TRAK2: variants seen among roughly 807,000 people sequenced by gnomAD.
The protein encoded by TRAK2 is trafficking kinesin protein 2, also known as trafficking kinesin-binding protein 2.
A neutral mutation model predicts 104.6 loss-of-function variants in TRAK2; 81 were observed. That is an observed-to-expected ratio of 0.77 (90% CI 0.65 to 0.93). TRAK2 has a LOEUF of 0.93. TRAK2 is among the 40% of genes least tolerant of loss of function. The pLI is 0.00. For synonymous variants in TRAK2, 406 were observed against 394.4 expected, an observed-to-expected ratio of 1.03 and a Z score of -0.35; for missense variants, 1,002 against 1,089.0, an observed-to-expected ratio of 0.92 and a Z score of 1.12.
intron 3 of TRAK2, among the ~76,000 whole-genome samples, chr2:201,402,428 A>G (rs1951557799): frequency 6.6e-6 from 1 of 152,166 alleles, no homozygotes; most frequent in Non-Finnish European, 1.5e-5. Context: ...AAAGTAAAAC[A>G]AAGTGCTGGC....
chr2:201,423,037 C>CCACACACACACACACA lies in TRAK2; in HGVS notation c.-199-2347_-199-2332dup, dbSNP rs142826543. On this transcript the variant is annotated intron_variant, in intron 1 of 15. Coordinates refer to ENST00000332624, the MANE Select transcript of TRAK2 (RefSeq NM_015049.3). ...TGGAATAACAACAGCAACACCACCA[C>CCACACACACACACACA]CACACACACACACACACACACACAC... Among the ~76,000 whole-genome samples, 69 of 134,220 alleles carry CCACACACACACACACA rather than the reference C, an allele frequency of 5.1e-4. 2 individuals carry two copies. Among genetic ancestry groups the CCACACACACACACACA allele is most frequent in the African/African-American group, 1.4e-3 (50 of 35,384 alleles). The allele number at this position is 134,220 out of a possible 152,430, so 88.1% of individuals were successfully genotyped here.
intron 7 of TRAK2, 117 bp downstream of exon 7, chr2:201,397,385 A>G: frequency 1.6e-6 from 1 of 629,774 alleles, no homozygotes; most frequent in Non-Finnish European, 2.8e-6. Context: ...TTCAGTAACC[A>G]TTTAAAATTG....
intron 2 of TRAK2, chr2:201,412,089 C>CAGGTGGAAT: frequency 1.8e-6 from 2 of 1,117,596 alleles, no homozygotes; most frequent in Non-Finnish European, 2.7e-6. Context: ...GGGCCAAGTT[C>CAGGTGGAAT]AGGTGGAATT....
chr2:201,407,388 A>G lies in TRAK2; in HGVS notation c.286+15T>C, dbSNP rs757275653. 3.8e-6 allele frequency: 6 copies of G among 1,579,134 alleles called. No homozygotes were observed. The highest frequency in any genetic ancestry group is 5.2e-6 in the Non-Finnish European group (6 of 1,155,810). ...ACTTTAATGCACAAACTAAAAGAGT[A>G]AAAAAAATACTCACTCATGTAACGG... is the stretch of plus-strand genomic sequence containing the variant. On this transcript the variant is annotated intron_variant, in intron 3 of 15. Coordinates refer to ENST00000332624, the MANE Select transcript of TRAK2 (RefSeq NM_015049.3).
chr2:201,426,802 C>T (rs1951792548), intron 1 of TRAK2, among the ~76,000 whole-genome samples: 1 of 152,170 alleles, frequency 6.6e-6, no homozygotes, highest in South Asian at 2.1e-4. Flanking sequence ...TATGTTCTTC[C>T]TGGAGACTTT....
intron 2 of TRAK2, among the ~76,000 whole-genome samples, chr2:201,417,106 TA>T (rs1951698890): frequency 2.0e-5 from 3 of 151,388 alleles, no homozygotes; most frequent in Non-Finnish European, 4.4e-5. Flanking sequence ...CAGATGAGTT[TA>T]AAAAGTAAAA....
At chr2:201,448,283 C>A (rs1312851933) in intron 1 of TRAK2, among the ~76,000 whole-genome samples, 2 of 152,228 alleles carry the variant, frequency 1.3e-5, no homozygotes, top group East Asian at 1.9e-4. Context: ...ATCTTGTCTT[C>A]TCTGACACTC....
intron 1 of TRAK2, among the ~76,000 whole-genome samples, chr2:201,433,191 C>T (rs912964876): frequency 9.2e-5 from 14 of 152,032 alleles, no homozygotes; most frequent in Admixed American, 2.6e-4. Context: ...GAAAAAAAGG[C>T]GGGAGGAGCA....
chr2:201,380,766 A>G lies in TRAK2; in HGVS notation c.2522T>C (p.Leu841Pro). Reference protein sequence around the residue: ...KMNLVDRLKRLGIARVVKNPG... With the variant: ...KMNLVDRLKRPGIARVVKNPG... ...GTTCTTGACCACTCTGGCTATCCCC[A>G]GTCTCTTCAGCCTGTCCACTAAGTT... The change falls in exon 16 of 16, where the codon CTG becomes CCG. Residue 841 changes from leucine to proline, a missense_variant. By Grantham distance (98) the Leu-to-Pro change is moderately conservative. Transcript: ENST00000332624. 1 of 1,614,120 alleles carries G rather than the reference A, an allele frequency of 6.2e-7. No homozygotes were observed. The highest frequency in any genetic ancestry group is 8.5e-7 in the Non-Finnish European group (1 of 1,179,994).
At chr2:201,403,205 C>T (rs1161659401) in intron 3 of TRAK2, among the ~76,000 whole-genome samples, 1 of 152,070 alleles carries the variant, frequency 6.6e-6, no homozygotes, top group East Asian at 1.9e-4. Context: ...AAAAATATTT[C>T]CTATAAATGC....
In TRAK2 at chr2:201,423,040, CACACACACA is replaced by C. The variant is rs1183786732; in HGVS notation, c.-199-2343_-199-2335del. Among the ~76,000 whole-genome samples the C allele has an allele frequency of 4.1e-3, 345 of 83,156 alleles. 2 individuals carry two copies. Among genetic ancestry groups the C allele is most frequent in the African/African-American group, 0.017 (315 of 18,788 alleles). 54.6% of individuals were successfully genotyped at this position (83,156 alleles called of 152,430 possible). ...AATAACAACAGCAACACCACCACCA[CACACACACA>C]CACACACACACACACACACACACAC... On this transcript the variant is annotated intron_variant, in intron 1 of 15. Coordinates refer to ENST00000332624, the MANE Select transcript of TRAK2 (RefSeq NM_015049.3).
chr2:201,446,292 T>C (rs1162100851), intron 1 of TRAK2, among the ~76,000 whole-genome samples: 1 of 152,176 alleles, frequency 6.6e-6, no homozygotes, highest in Non-Finnish European at 1.5e-5. Context: ...TGTAACTCTG[T>C]CCATGCTATT....
At chr2:201,423,504 A>G (rs1025154225) in intron 1 of TRAK2, 15 of 152,180 alleles carry the variant, frequency 9.9e-5, no homozygotes, top group African/African-American at 2.9e-4. Flanking sequence ...TGAAAATTTC[A>G]TCAATTACAG....
intron 1 of TRAK2, among the ~76,000 whole-genome samples, chr2:201,448,810 G>T (rs1029767475): frequency 3.9e-5 from 6 of 152,102 alleles, no homozygotes; most frequent in Admixed American, 3.3e-4. Flanking sequence ...TGCCATCATC[G>T]CTCAAGGGAT....
chr2:201,378,945 T>C lies in TRAK2; in HGVS notation c.*1598A>G, dbSNP rs932278183. ...TCCTTGGCCTGGGAATAGGTGTGCCTATGGGAACCATAGGAGCAAGAGTCA... is the reference window on the plus strand; with the variant it reads ...TCCTTGGCCTGGGAATAGGTGTGCCCATGGGAACCATAGGAGCAAGAGTCA... On this transcript the variant is annotated 3_prime_UTR_variant, in exon 16 of 16. Transcript: ENST00000332624. 2 of 152,162 alleles carry C rather than the reference T, an allele frequency of 1.3e-5. No individual in the cohort carries two copies. Among genetic ancestry groups the C allele is most frequent in the Non-Finnish European group, 2.9e-5 (2 of 68,038 alleles). 9.4% of individuals were successfully genotyped at this position (152,162 alleles called of 1,614,324 possible).
chr2:201,401,627 C>G (rs577249691), intron 3 of TRAK2, among the ~76,000 whole-genome samples: 1 of 152,124 alleles, frequency 6.6e-6, no homozygotes, highest in South Asian at 2.1e-4. Context: ...ACCATAATTC[C>G]TTTAGGCTTA....
At chr2:201,429,867 G>A (rs1046211367) in intron 1 of TRAK2, among the ~76,000 whole-genome samples, 13 of 152,162 alleles carry the variant, frequency 8.5e-5, no homozygotes, top group African/African-American at 2.4e-4. Flanking sequence ...GTCATTCTCC[G>A]TCCAGCTTTG....
intron 4 of TRAK2, among the ~76,000 whole-genome samples, chr2:201,400,141 G>GTAA (rs1320602628): frequency 1.1e-5 from 1 of 94,862 alleles, no homozygotes; most frequent in African/African-American, 3.0e-5. Flanking sequence ...GAAGCTGGTG[G>GTAA]TAATGCAGGG....
intron 1 of TRAK2, among the ~76,000 whole-genome samples, chr2:201,431,598 A>G (rs2125659217): frequency 6.6e-6 from 1 of 152,362 alleles, no homozygotes; most frequent in Non-Finnish European, 1.5e-5. Flanking sequence ...GACACCTGTG[A>G]TTACATTTAA....
Sources: gnomAD v4.1 joint callset for allele counts (sites outside exome capture counted in the v4.1 genomes callset) on GRCh38, gnomAD v4.1.1 for gene constraint, MANE v1.5 for transcripts, NCBI Gene and HGNC (gene_info 2026-07-23, HGNC 2026-07-21) for gene names.